The following EPHA5 variants were observed in gnomAD, a reference collection of about 807,000 sequenced individuals.
EPHA5 encodes EPH receptor A5, also known as ephrin type-A receptor 5.
A neutral mutation model predicts 105.0 loss-of-function variants in EPHA5; 60 were observed. The observed-to-expected ratio is 0.57, with a 90% CI of 0.46 to 0.71. EPHA5 has a LOEUF of 0.71. Among genes scored for constraint, EPHA5 ranks in the 30% least tolerant of loss-of-function variants. EPHA5 has a pLI of 0.00. For synonymous variants in EPHA5, 513 were observed against 449.1 expected (o/e 1.14, Z -1.80); for missense variants, 1,218 against 1,274.7 (o/e 0.96, Z 0.68).
intron 3 of EPHA5, among the ~76,000 whole-genome samples, chr4:65,501,611 A>C (rs1365850374): frequency 2.0e-5 from 3 of 151,824 alleles, no homozygotes; most frequent in East Asian, 1.9e-4. Flanking sequence ...TAGGTGACAC[A>C]AACAAATGGA....
chr4:65,337,611 C>T lies in EPHA5; in HGVS notation c.2596-1486G>A, dbSNP rs1359247338. Among the ~76,000 whole-genome samples, 5 of 152,040 alleles carry T rather than the reference C, an allele frequency of 3.3e-5. No homozygotes were observed. In the East Asian group the frequency reaches 7.7e-4, roughly 24 times the overall value. On this transcript the variant is annotated intron_variant, in intron 14 of 16. Coordinates refer to ENST00000613740, the MANE Select transcript of EPHA5 (RefSeq NM_001281766.3). ...CACATTTGATGGTAATTTCTGTTAA[C>T]TTTAGGCAAGCACATTTCTGAGGGT...
rs71657404 is a variant in EPHA5 at position 65,348,815 on chromosome 4, A to ATATATATATATT, written c.2446-613_2446-612insAATATATATATA. Among the ~76,000 whole-genome samples, 2 of 64,120 alleles carry ATATATATATATT rather than the reference A, an allele frequency of 3.1e-5. 1 individual carries two copies. The highest frequency in any genetic ancestry group is 1.2e-4 in the African/African-American group (2 of 16,136). The allele number at this position is 64,120 out of a possible 152,430, so 42.1% of individuals were successfully genotyped here. A position where few individuals can be genotyped will look rare whatever the true frequency, so the allele number is the denominator to read the frequency against. ...TGTGTATATATATATATATATATAT[A>ATATATATATATT]TTTTTTTTTTTTTTTTTTGAGACAG... On this transcript the variant is annotated intron_variant, in intron 13 of 16. Transcript: ENST00000613740.
rs1222056378 is a variant in EPHA5 at position 65,653,011 on chromosome 4, A to C, written c.182-9584T>G. Among the ~76,000 whole-genome samples the C allele has an allele frequency of 3.9e-5, 6 of 152,122 alleles. No individual in the cohort carries two copies. In the East Asian group the frequency reaches 1.2e-3, roughly 29 times the overall value. On this transcript the variant is annotated intron_variant, in intron 1 of 16. Coordinates refer to ENST00000613740, the MANE Select transcript of EPHA5 (RefSeq NM_001281766.3). ...ACACTAAAAACTACTATATTAAAAT[A>C]GAATTTAAAAAAATGTAAGCAAAGC...
chr4:65,332,662 T>C (rs1357943379), intron 15 of EPHA5, among the ~76,000 whole-genome samples: 4 of 151,706 alleles, frequency 2.6e-5, no homozygotes, highest in Non-Finnish European at 5.9e-5. Flanking sequence ...AAGGAGTACT[T>C]GGGAGATCTC....
chr4:65,400,748 C>CT (rs759440009), intron 8 of EPHA5, among the ~76,000 whole-genome samples: 2 of 151,960 alleles, frequency 1.3e-5, no homozygotes, highest in Non-Finnish European at 2.9e-5. Flanking sequence ...ATCATTTGCA[C>CT]TTTTTTTGTC....
chr4:65,458,372 A>G (rs12511744), intron 5 of EPHA5, among the ~76,000 whole-genome samples: 37,667 of 151,974 alleles, frequency 0.25, 5,134 homozygotes, highest in Middle Eastern at 0.35. Context: ...GAACTAGACC[A>G]TTCTAAATCT....
chr4:65,382,998 G>A (rs1719711607), intron 8 of EPHA5, among the ~76,000 whole-genome samples: 1 of 149,880 alleles, frequency 6.7e-6, no homozygotes, highest in Non-Finnish European at 1.5e-5. Context: ...TGGTAAGTAT[G>A]TATATATAGA....
At chr4:65,575,181 A>G (rs1740765835) in intron 3 of EPHA5, among the ~76,000 whole-genome samples, 1 of 152,132 alleles carries the variant, frequency 6.6e-6, no homozygotes, top group South Asian at 2.1e-4. Context: ...AGAAAAGTCC[A>G]AAATGAATCC....
At chr4:65,522,144 G>T (rs1194966479) in intron 3 of EPHA5, among the ~76,000 whole-genome samples, 1 of 151,790 alleles carries the variant, frequency 6.6e-6, no homozygotes, top group African/African-American at 2.4e-5. Flanking sequence ...GGTCTGTCCT[G>T]TCATGGCCTG....
intron 3 of EPHA5, among the ~76,000 whole-genome samples, chr4:65,540,865 TA>T (rs5858966): frequency 0.5 from 71,107 of 142,478 alleles, 17,439 homozygotes; most frequent in Non-Finnish European, 0.52. Flanking sequence ...GTCAATTTTA[TA>T]AAAAAAAAAA....
At chr4:65,458,652 A>G (rs1454682286) in intron 5 of EPHA5, among the ~76,000 whole-genome samples, 1 of 152,104 alleles carries the variant, frequency 6.6e-6, no homozygotes. Context: ...CCCATATTAA[A>G]CTGTACACTC....
chr4:65,414,552 T>A, intron 6 of EPHA5, 109 bp from the exon 7 acceptor site: 3 of 1,154,372 alleles, frequency 2.6e-6, no homozygotes, highest in Non-Finnish European at 3.7e-6. Context: ...AAGGACTCTA[T>A]TAGTACAAAT....
intron 11 of EPHA5, among the ~76,000 whole-genome samples, chr4:65,364,497 CA>C (rs1370884163): frequency 1.3e-5 from 2 of 151,584 alleles, no homozygotes; most frequent in Non-Finnish European, 3.0e-5. Flanking sequence ...TTTGCTTTCA[CA>C]ACAACAAAAA....
chr4:65,642,521 G>T (rs1560811525), intron 2 of EPHA5, among the ~76,000 whole-genome samples: 1 of 151,660 alleles, frequency 6.6e-6, no homozygotes, highest in Non-Finnish European at 1.5e-5. Flanking sequence ...AAGTACATCT[G>T]TAACTTTTAA....
At chr4:65,551,373 C>T (rs906441773) in intron 3 of EPHA5, among the ~76,000 whole-genome samples, 1 of 151,290 alleles carries the variant, frequency 6.6e-6, no homozygotes, top group Non-Finnish European at 1.5e-5. Flanking sequence ...TTCATAATTA[C>T]CCTAAGGGAA....
At chr4:65,440,077 A>G (rs1168604370) in intron 5 of EPHA5, among the ~76,000 whole-genome samples, 3 of 152,098 alleles carry the variant, frequency 2.0e-5, no homozygotes, top group Non-Finnish European at 4.4e-5. Flanking sequence ...GTCTTTGAGA[A>G]TGTTACTGTA....
At chr4:65,448,545 A>G (rs749988725) in intron 5 of EPHA5, among the ~76,000 whole-genome samples, 14 of 151,938 alleles carry the variant, frequency 9.2e-5, no homozygotes, top group Non-Finnish European at 2.9e-5. Context: ...CTACTTGGGA[A>G]GCTGAGGCAG....
At chr4:65,498,628 T>A (rs891282412) in intron 3 of EPHA5, among the ~76,000 whole-genome samples, 2 of 151,866 alleles carry the variant, frequency 1.3e-5, no homozygotes, top group African/African-American at 4.8e-5. Context: ...ATGATGTATT[T>A]AATGGGTTAG....
intron 5 of EPHA5, among the ~76,000 whole-genome samples, chr4:65,437,569 G>A (rs1725595566): frequency 6.6e-6 from 1 of 151,768 alleles, no homozygotes; most frequent in African/African-American, 2.4e-5. Context: ...ATAATAATTA[G>A]GGACTGACCA....
Sources: gnomAD v4.1 joint callset for allele counts (sites outside exome capture counted in the v4.1 genomes callset) on GRCh38, gnomAD v4.1.1 for gene constraint, MANE v1.5 for transcripts, NCBI Gene and HGNC (gene_info 2026-07-23, HGNC 2026-07-21) for gene names.